The following KLHL29 variants were observed in gnomAD, a reference collection of about 807,000 sequenced individuals.
KLHL29 encodes kelch like family member 29.
KLHL29 carries 21 observed loss-of-function variants against 80.4 expected under a neutral mutation model. That is an observed-to-expected ratio of 0.26 (90% CI 0.19 to 0.38). The LOEUF (loss-of-function observed/expected upper bound fraction) is 0.38. Ranked by LOEUF, KLHL29 falls within the 10% of genes least tolerant of loss-of-function variation. The pLI is 1.00. For synonymous variants in KLHL29, 511 were observed against 526.8 expected, an observed-to-expected ratio of 0.97 and a Z score of 0.41; for missense variants, 867 against 1,223.9, an observed-to-expected ratio of 0.71 and a Z score of 4.35.
At chr2:23,566,963 T>C (rs1667603629) in intron 3 of KLHL29, among the ~76,000 whole-genome samples, 1 of 152,220 alleles carries the variant, frequency 6.6e-6, no homozygotes. Context: ...TGCATTGGCC[T>C]GTCCCCATCC....
chr2:23,557,316 A>G lies in KLHL29; in HGVS notation c.-45-4836A>G, dbSNP rs186506256. ...TTTGGTCCTTTAACTGTGCCGTCTC[A>G]CTCAGGGTAAACCGTGCAACTCCTT... is the stretch of plus-strand genomic sequence containing the variant. On this transcript the variant is annotated intron_variant, in intron 2 of 13. Coordinates refer to ENST00000486442, the MANE Select transcript of KLHL29 (RefSeq NM_052920.2). 2.5e-3 allele frequency among the ~76,000 whole-genome samples: 383 copies of G among 152,280 alleles called. 1 individual carries two copies. The highest frequency in any genetic ancestry group is 8.8e-3 in the African/African-American group (366 of 41,552).
At chr2:23,623,239 G>A (rs569351461) in intron 3 of KLHL29, among the ~76,000 whole-genome samples, 148 of 152,240 alleles carry the variant, frequency 9.7e-4, no homozygotes, top group Non-Finnish European at 1.5e-3. Flanking sequence ...CAACGGACCC[G>A]ACTCATGGTG....
rs79906661 is a variant in KLHL29, at chr2:23,630,097, C to T, written c.286-9042C>T. On this transcript the variant is annotated intron_variant, in intron 3 of 13. Coordinates refer to ENST00000486442, the MANE Select transcript of KLHL29 (RefSeq NM_052920.2). ...TGCTCCCGTATTTGGCATTAGGAGG[C>T]GATTGTTCATTTAAAGGGGGTGGTT... 4.7e-3 allele frequency among the ~76,000 whole-genome samples: 718 copies of T among 152,198 alleles called. 8 individuals carry two copies. Among genetic ancestry groups the T allele is most frequent in the Non-Finnish European group, 7.6e-3 (519 of 67,996 alleles).
intron 2 of KLHL29, among the ~76,000 whole-genome samples, chr2:23,518,906 T>C (rs901530944): frequency 6.6e-6 from 1 of 152,206 alleles, no homozygotes; most frequent in African/African-American, 2.4e-5. Flanking sequence ...GCAGCCAAAG[T>C]GTTCAGTCTC....
chr2:23,688,517 T>C (rs547539598), intron 6 of KLHL29, among the ~76,000 whole-genome samples: 101 of 152,258 alleles, frequency 6.6e-4, no homozygotes, highest in South Asian at 5.6e-3. Flanking sequence ...AATGGTGGGA[T>C]TGCAAACATT....
At chr2:23,607,646 A>C (rs780402995) in intron 3 of KLHL29, among the ~76,000 whole-genome samples, 3 of 152,244 alleles carry the variant, frequency 2.0e-5, no homozygotes, top group Non-Finnish European at 4.4e-5. Context: ...GCAAGCCAGC[A>C]TGACCACCTG....
At chr2:23,594,955 C>T (rs1322928530) in intron 3 of KLHL29, among the ~76,000 whole-genome samples, 1 of 152,170 alleles carries the variant, frequency 6.6e-6, no homozygotes, top group African/African-American at 2.4e-5. Context: ...TAGCTGCTAG[C>T]TACAGACCAT....
intron 2 of KLHL29, among the ~76,000 whole-genome samples, chr2:23,510,220 C>T (rs934367): frequency 0.14 from 21,368 of 152,050 alleles, 2,192 homozygotes; most frequent in East Asian, 0.56. Context: ...GTGGTTATGG[C>T]AGGGGATGGA....
chr2:23,429,289 C>T (rs1572505565), intron 1 of KLHL29, among the ~76,000 whole-genome samples: 1 of 152,220 alleles, frequency 6.6e-6, no homozygotes, highest in Admixed American at 6.5e-5. Context: ...GCGCTGGGGC[C>T]TTGGTGCCCA....
At chr2:23,511,146 C>A (rs934121028) in intron 2 of KLHL29, among the ~76,000 whole-genome samples, 7 of 152,082 alleles carry the variant, frequency 4.6e-5, no homozygotes, top group Non-Finnish European at 8.8e-5. Context: ...TCAGAAGTTT[C>A]TAGGGCATTT....
intron 1 of KLHL29, among the ~76,000 whole-genome samples, chr2:23,466,205 G>A (rs1173571289): frequency 6.6e-6 from 1 of 152,206 alleles, no homozygotes; most frequent in Non-Finnish European, 1.5e-5. Flanking sequence ...TTCCAAAGGA[G>A]AAATATTCTG....
chr2:23,515,278 T>C (rs1665887544), intron 2 of KLHL29, among the ~76,000 whole-genome samples: 1 of 152,158 alleles, frequency 6.6e-6, no homozygotes, highest in South Asian at 2.1e-4. Context: ...GGGTCATGTC[T>C]TAGCCTCTGA....
At chr2:23,507,919 A>G (rs1268957929) in intron 2 of KLHL29, among the ~76,000 whole-genome samples, 2 of 152,246 alleles carry the variant, frequency 1.3e-5, no homozygotes, top group African/African-American at 2.4e-5. Context: ...CATGTTTGCC[A>G]TAATGATTGC....
intron 5 of KLHL29, among the ~76,000 whole-genome samples, chr2:23,670,917 G>GCGCGCACACACT (rs150131401): frequency 5.4e-5 from 1 of 18,534 alleles, no homozygotes; most frequent in Non-Finnish European, 1.2e-4. Context: ...ACATGCACGC[G>GCGCGCACACACT]CTCTCTCTCT....
At chr2:23,476,256 G>C (rs1458904834) in intron 2 of KLHL29, among the ~76,000 whole-genome samples, 2 of 151,912 alleles carry the variant, frequency 1.3e-5, no homozygotes, top group Non-Finnish European at 2.9e-5. Context: ...CCAGCAACTA[G>C]ATGACCTTTA....
At chr2:23,685,693 G>T (rs1030283490) in intron 6 of KLHL29, among the ~76,000 whole-genome samples, 2 of 152,152 alleles carry the variant, frequency 1.3e-5, no homozygotes, top group African/African-American at 4.8e-5. Flanking sequence ...GACACCTCAG[G>T]TCTCCTGCCC....
intron 1 of KLHL29, among the ~76,000 whole-genome samples, chr2:23,446,203 A>G (rs1663670678): frequency 8.3e-6 from 1 of 120,270 alleles, no homozygotes; most frequent in Admixed American, 8.1e-5. Flanking sequence ...ATGCATTTGG[A>G]GTTTTTTTTT....
At chr2:23,623,176 G>A (rs1669228076) in intron 3 of KLHL29, among the ~76,000 whole-genome samples, 1 of 152,172 alleles carries the variant, frequency 6.6e-6, no homozygotes, top group Admixed American at 6.5e-5. Flanking sequence ...GGCCTGGGAT[G>A]TGCTGGAATG....
intron 2 of KLHL29, among the ~76,000 whole-genome samples, chr2:23,550,092 T>C (rs902294199): frequency 9.9e-5 from 15 of 152,108 alleles, no homozygotes; most frequent in Admixed American, 6.5e-4. Context: ...TGTGCCCTCC[T>C]GAACAGCCCT....
Sources: allele counts gnomAD v4.1 joint callset (sites outside exome capture counted in the v4.1 genomes callset), GRCh38; gene constraint gnomAD v4.1.1; transcripts MANE v1.5; gene names NCBI Gene and HGNC (gene_info 2026-07-23, HGNC 2026-07-21).